Variants in NRG3 observed in about 807,000 individuals in gnomAD.
The protein encoded by NRG3 is neuregulin 3, also known as pro-neuregulin-3, membrane-bound isoform.
Under a neutral mutation model 66.9 loss-of-function variants are expected in NRG3, and 31 were observed. The observed-to-expected ratio is 0.46, with a 90% CI of 0.35 to 0.63. NRG3 has a LOEUF of 0.63. NRG3 is among the 20% of genes least tolerant of loss of function. NRG3 has a pLI of 0.00. For synonymous variants in NRG3, 393 were observed against 359.4 expected (o/e 1.09, Z -1.06); for missense variants, 910 against 878.9 (o/e 1.04, Z -0.45).
chr10:82,502,914 C>T (rs1844334213), intron 2 of NRG3, among the ~76,000 whole-genome samples: 2 of 152,106 alleles, frequency 1.3e-5, no homozygotes, highest in Admixed American at 6.5e-5. Flanking sequence ...AGATAGTCGA[C>T]TTATTTAAAA....
chr10:82,785,286 A>G (rs924106504), intron 3 of NRG3, among the ~76,000 whole-genome samples: 1 of 152,060 alleles, frequency 6.6e-6, no homozygotes, highest in Non-Finnish European at 1.5e-5. Flanking sequence ...GCACACCAGC[A>G]TGGCACATGT....
At chr10:82,372,153 A>G (rs11194002) in intron 2 of NRG3, among the ~76,000 whole-genome samples, 21,063 of 152,246 alleles carry the variant, frequency 0.14, 1,653 homozygotes, top group East Asian at 0.31. Context: ...CTCATTTGGA[A>G]GCCTACTCTT....
At chr10:82,628,253 C>T (rs1590933820) in intron 2 of NRG3, among the ~76,000 whole-genome samples, 1 of 152,154 alleles carries the variant, frequency 6.6e-6, no homozygotes, top group East Asian at 1.9e-4. Context: ...CAAAACATTG[C>T]CGTTAGGCTT....
intron 6 of NRG3, among the ~76,000 whole-genome samples, chr10:82,971,880 T>C (rs748949325): frequency 6.6e-6 from 1 of 152,214 alleles, no homozygotes; most frequent in Non-Finnish European, 1.5e-5. Flanking sequence ...AATTATATTT[T>C]ATTTGAAATT....
At chr10:82,129,453 G>T (rs1466381427) in intron 1 of NRG3, among the ~76,000 whole-genome samples, 1 of 152,088 alleles carries the variant, frequency 6.6e-6, no homozygotes, top group Admixed American at 6.6e-5. Flanking sequence ...TATGTATGAG[G>T]ACATGAGATA....
chr10:82,374,955 C>A (rs757697507), intron 2 of NRG3, among the ~76,000 whole-genome samples: 1 of 152,154 alleles, frequency 6.6e-6, no homozygotes, highest in Non-Finnish European at 1.5e-5. Flanking sequence ...TGGGCACCTG[C>A]GACACAACTT....
At chr10:82,053,616 G>A (rs747194529) in intron 1 of NRG3, among the ~76,000 whole-genome samples, 6 of 151,476 alleles carry the variant, frequency 4.0e-5, no homozygotes, top group Non-Finnish European at 8.8e-5. Context: ...GAGAGCATGA[G>A]TTTTTAATGG....
chr10:81,961,854 G>C (rs888103406), intron 1 of NRG3, among the ~76,000 whole-genome samples: 1 of 152,242 alleles, frequency 6.6e-6, no homozygotes, highest in Non-Finnish European at 1.5e-5. Context: ...TGTCAACTCA[G>C]AAGGCAGTAG....
intron 2 of NRG3, among the ~76,000 whole-genome samples, chr10:82,419,973 G>T (rs548473169): frequency 6.6e-6 from 1 of 152,266 alleles, no homozygotes; most frequent in Non-Finnish European, 1.5e-5. Context: ...CTCTAGGAAG[G>T]TGTGATCCAG....
intron 1 of NRG3, among the ~76,000 whole-genome samples, chr10:81,916,813 C>T (rs1240113883): frequency 6.6e-6 from 1 of 152,128 alleles, no homozygotes; most frequent in African/African-American, 2.4e-5. Flanking sequence ...AATTGTACTG[C>T]CTTTCTGCCA....
intron 4 of NRG3, among the ~76,000 whole-genome samples, chr10:82,928,176 C>G (rs1211368552): frequency 6.6e-6 from 1 of 151,910 alleles, no homozygotes; most frequent in Non-Finnish European, 1.5e-5. Context: ...CCTTTGCCTA[C>G]TTTTTGATGG....
At chr10:82,360,508 G>T (rs2084062389) in intron 2 of NRG3, among the ~76,000 whole-genome samples, 1 of 152,324 alleles carries the variant, frequency 6.6e-6, no homozygotes, top group East Asian at 1.9e-4. Context: ...AATCAGATCA[G>T]GTCCCACCAC....
At chr10:82,910,623 A>G (rs997336252) in intron 4 of NRG3, among the ~76,000 whole-genome samples, 1 of 152,242 alleles carries the variant, frequency 6.6e-6, no homozygotes, top group African/African-American at 2.4e-5. Flanking sequence ...GAGGACTAGA[A>G]GATTTTTTTA....
chr10:82,869,207 A>G (rs967684304), intron 4 of NRG3, among the ~76,000 whole-genome samples: 4 of 152,174 alleles, frequency 2.6e-5, no homozygotes, highest in East Asian at 1.9e-4. Context: ...AATTTCTTTA[A>G]TAGACTTGAT....
intron 2 of NRG3, among the ~76,000 whole-genome samples, chr10:82,562,259 A>G (rs1452785863): frequency 6.6e-6 from 1 of 152,190 alleles, no homozygotes; most frequent in Admixed American, 6.6e-5. Flanking sequence ...TGTTACAGAT[A>G]TAGGTAAATG....
At chr10:81,978,036 TTAAA>T (rs1384739213) in intron 1 of NRG3, among the ~76,000 whole-genome samples, 1 of 152,190 alleles carries the variant, frequency 6.6e-6, no homozygotes. Flanking sequence ...GTTGGAAACT[TTAAA>T]TATCCTCCTT....
chr10:82,551,218 G>A (rs1388391600), intron 2 of NRG3, among the ~76,000 whole-genome samples: 1 of 152,054 alleles, frequency 6.6e-6, no homozygotes, highest in Non-Finnish European at 1.5e-5. Context: ...GCTTACTAAA[G>A]AGAGAGAGAA....
chr10:82,916,972 T>A (rs1845897993), intron 4 of NRG3, among the ~76,000 whole-genome samples: 1 of 152,198 alleles, frequency 6.6e-6, no homozygotes, highest in Non-Finnish European at 1.5e-5. Flanking sequence ...ATTTAAATTT[T>A]TCCCCTTGAA....
chr10:82,409,975 C>T (rs1041680880), intron 2 of NRG3, among the ~76,000 whole-genome samples: 9 of 152,124 alleles, frequency 5.9e-5, no homozygotes, highest in East Asian at 3.9e-4. Flanking sequence ...CCTGAGCAAG[C>T]GCCCCAAGAG....
Sources: allele counts gnomAD v4.1 joint callset (sites outside exome capture counted in the v4.1 genomes callset), GRCh38; gene constraint gnomAD v4.1.1; transcripts MANE v1.5; gene names NCBI Gene and HGNC (gene_info 2026-07-23, HGNC 2026-07-21).